The following PTPN2 variants were observed in gnomAD, a reference collection of about 807,000 sequenced individuals.
PTPN2 encodes the protein tyrosine-protein phosphatase non-receptor type 2.
Under a neutral mutation model 57.3 loss-of-function variants are expected in PTPN2, and 19 were observed. That is an observed-to-expected ratio of 0.33 (90% CI 0.23 to 0.49). The LOEUF is 0.49. Among genes scored for constraint, PTPN2 ranks in the 20% least tolerant of loss-of-function variants. The pLI, the probability that PTPN2 is intolerant of heterozygous loss-of-function variation, is 0.99. For synonymous variants in PTPN2, 153 were observed against 164.9 expected (o/e 0.93, Z 0.55); for missense variants, 358 against 501.1 (o/e 0.71, Z 2.73).
At position 12,794,217 on chromosome 18, in the gene PTPN2, C is replaced by T. The variant is rs2041077347; in HGVS notation, c.*61G>A. On this transcript the variant is annotated 3_prime_UTR_variant, in exon 9 of 9. Coordinates refer to ENST00000309660, the MANE Select transcript of PTPN2 (RefSeq NM_002828.4). ...TGAGGCGTTTGCTGCAGACAAACCC[C>T]TATGATTAATGTAGCACTGTCAGTT... 1.1e-5 allele frequency: 17 copies of T among 1,603,848 alleles called. No individual in the cohort carries two copies. Among genetic ancestry groups the T allele is most frequent in the Middle Eastern group, 3.4e-4 (2 of 5,898 alleles).
Position 12,871,274 on chromosome 18 carries a change from A to G in PTPN2, c.70-12020T>C, listed in dbSNP as rs539863074. On this transcript the variant is annotated intron_variant, in intron 1 of 8. Coordinates refer to ENST00000309660, the MANE Select transcript of PTPN2 (RefSeq NM_002828.4). ...GCTGCTATGAATAACCTTTCAAAGA[A>G]GCTATATCAATGTATACTGTCACCA... Among the ~76,000 whole-genome samples the G allele has an allele frequency of 5.1e-4, 77 of 152,350 alleles. 1 individual carries two copies. Among genetic ancestry groups the G allele is most frequent in the African/African-American group, 1.8e-3 (76 of 41,582 alleles).
intron 5 of PTPN2, among the ~76,000 whole-genome samples, chr18:12,823,274 C>A (rs1404323119): frequency 1.3e-5 from 2 of 152,180 alleles, no homozygotes; most frequent in African/African-American, 4.8e-5. Context: ...AACAGAGTGG[C>A]TGGCCAACTC....
Position 12,785,601 on chromosome 18 carries a change from A to G in PTPN2, c.*222T>C, listed in dbSNP as rs538910615. On this transcript the variant is annotated 3_prime_UTR_variant, in exon 10 of 10. Coordinates refer to the PTPN2 transcript ENST00000327283. ...ACATCTTTCTACATTTCATACACTC[A>G]TTAAAAACACTTAACACATCCAATT... 1.3e-4 allele frequency: 77 copies of G among 596,686 alleles called. No individual in the cohort carries two copies. The South Asian group carries it at 1.5e-3, about 12-fold the overall frequency. 37.0% of individuals were successfully genotyped at this position (596,686 alleles called of 1,614,324 possible). A position where few individuals can be genotyped will look rare whatever the true frequency, so the allele number is the denominator to read the frequency against.
rs2044213817 is a variant in PTPN2 at position 12,870,452 on chromosome 18, TATATATATATAGAGAG to T, written c.70-11214_70-11199del. On this transcript the variant is annotated intron_variant, in intron 1 of 8. Coordinates refer to ENST00000309660, the MANE Select transcript of PTPN2 (RefSeq NM_002828.4). ...GTATATATATATGTGTATATATATA[TATATATATATAGAGAG>T]AGAGAGAGAGAGAGAGAGAGAGAGA... Among the ~76,000 whole-genome samples the T allele has an allele frequency of 9.7e-5, 4 of 41,212 alleles. No individual in the cohort carries two copies. The Admixed American group carries it at 1.2e-3, about 13-fold the overall frequency. The allele number at this position is 41,212 out of a possible 152,430, so 27.0% of individuals were successfully genotyped here.
At chr18:12,807,556 A>G (rs1178782582) in intron 7 of PTPN2, among the ~76,000 whole-genome samples, 42 of 116,378 alleles carry the variant, frequency 3.6e-4, no homozygotes, top group Non-Finnish European at 7.3e-4. Flanking sequence ...ATGGAGGGAG[A>G]AAGAAAATGT....
chr18:12,880,062 AAAG>A (rs2044617365), intron 1 of PTPN2, among the ~76,000 whole-genome samples: 2 of 152,202 alleles, frequency 1.3e-5, no homozygotes. Flanking sequence ...TTGGGATGCT[AAAG>A]AAGTACGCAA....
chr18:12,845,139 T>TC (rs1387304506), intron 2 of PTPN2, among the ~76,000 whole-genome samples: 2 of 152,198 alleles, frequency 1.3e-5, no homozygotes, highest in African/African-American at 4.8e-5. Context: ...TTATTTTAGT[T>TC]CCTTTGCCTT....
chr18:12,818,379 A>G (rs528635705), intron 5 of PTPN2, among the ~76,000 whole-genome samples: 2 of 152,342 alleles, frequency 1.3e-5, no homozygotes, highest in Non-Finnish European at 2.9e-5. Flanking sequence ...ATAATTTCCA[A>G]TCCTAAAGCT....
chr18:12,821,437 CAA>C (rs2042265583), intron 5 of PTPN2: 1 of 152,166 alleles, frequency 6.6e-6, no homozygotes, highest in African/African-American at 2.4e-5. Flanking sequence ...TAAAGAGTGA[CAA>C]AGTTTGTCAA....
Position 12,839,470 on chromosome 18 carries a change from A to G in PTPN2, c.161-2579T>C, listed in dbSNP as rs575793481. ...CAGCATCCCATAACCTTTGGGCTGT[A>G]TAAGTAAGCCCCAAAGCCCACTATA... On this transcript the variant is annotated intron_variant, in intron 2 of 8. Transcript: ENST00000309660. 2.6e-5 allele frequency: 4 copies of G among 152,326 alleles called. No individual in the cohort carries two copies. The South Asian group carries it at 8.3e-4, about 32-fold the overall frequency. The allele number at this position is 152,326 out of a possible 1,614,324, so 9.4% of individuals were successfully genotyped here. A position where few individuals can be genotyped will look rare whatever the true frequency, so the allele number is the denominator to read the frequency against.
In PTPN2 at chr18:12,794,075, C is replaced by T; in HGVS notation, c.*203G>A. 3.5e-6 allele frequency: 5 copies of T among 1,423,526 alleles called. No homozygotes were observed. The highest frequency in any genetic ancestry group is 4.6e-6 in the Non-Finnish European group (5 of 1,095,416). The allele number at this position is 1,423,526 out of a possible 1,614,324, so 88.2% of individuals were successfully genotyped here. On this transcript the variant is annotated 3_prime_UTR_variant, in exon 9 of 9. Coordinates refer to ENST00000309660, the MANE Select transcript of PTPN2 (RefSeq NM_002828.4). ...CATGAATGTCTTTATTTTAGACAGCCATTTACAGTTTGGGGTTCAGAGGAA... is the reference window on the plus strand; with the variant it reads ...CATGAATGTCTTTATTTTAGACAGCTATTTACAGTTTGGGGTTCAGAGGAA...
intron 2 of PTPN2, among the ~76,000 whole-genome samples, chr18:12,848,892 G>A (rs2043300372): frequency 6.6e-6 from 1 of 152,138 alleles, no homozygotes; most frequent in East Asian, 1.9e-4. Flanking sequence ...GTTCTATAGT[G>A]GCCTCATAAA....
At chr18:12,827,440 A>C (rs1448804885) in intron 4 of PTPN2, among the ~76,000 whole-genome samples, 1 of 151,062 alleles carries the variant, frequency 6.6e-6, no homozygotes, top group Non-Finnish European at 1.5e-5. Context: ...GTAGTAGCCC[A>C]GGCTGGAGTG....
intron 1 of PTPN2, among the ~76,000 whole-genome samples, chr18:12,865,677 G>GTGAGCTGGGCGTCATGGCA (rs2043967319): frequency 1.3e-5 from 2 of 151,800 alleles, no homozygotes; most frequent in Admixed American, 6.6e-5. Context: ...GGCAAAAAGA[G>GTGAGCTGGGCGTCATGGCA]TGAGCTGGGC....
At chr18:12,852,112 A>G (rs770697715) in intron 2 of PTPN2, among the ~76,000 whole-genome samples, 2 of 151,938 alleles carry the variant, frequency 1.3e-5, no homozygotes, top group African/African-American at 4.8e-5. Flanking sequence ...AAGTTCCAGA[A>G]ATCTATTGTA....
At chr18:12,788,125 TTTGA>T (rs1818699940), downstream of PTPN2, 2 of 154,926 alleles carry the variant, frequency 1.3e-5, no homozygotes, top group Middle Eastern at 5.2e-4. Flanking sequence ...ACAGCAGAAA[TTTGA>T]TGTATCAAGA....
At chr18:12,859,475 A>C (rs974249784) in intron 1 of PTPN2, among the ~76,000 whole-genome samples, 3 of 152,204 alleles carry the variant, frequency 2.0e-5, no homozygotes, top group African/African-American at 7.2e-5. Flanking sequence ...CAAAGGTTAA[A>C]AATCCACCAA....
Position 12,792,859 on chromosome 18 carries a change from G to C in PTPN2, c.*1419C>G. Reference sequence around the variant, plus strand: ...GCCCACTTCAGCCTCCCAAAGTGCTGGGATTACAGGCATGAGCCACCGCGC... The same window carrying C: ...GCCCACTTCAGCCTCCCAAAGTGCTCGGATTACAGGCATGAGCCACCGCGC... On this transcript the variant is annotated 3_prime_UTR_variant, in exon 9 of 9. Coordinates refer to ENST00000309660, the MANE Select transcript of PTPN2 (RefSeq NM_002828.4). The C allele has an allele frequency of 5.4e-6, 5 of 924,248 alleles. No homozygotes were observed. Among genetic ancestry groups the C allele is most frequent in the Non-Finnish European group, 6.5e-6 (5 of 774,342 alleles). The allele number at this position is 924,248 out of a possible 1,614,324, so 57.3% of individuals were successfully genotyped here.
chr18:12,792,361 C>A lies in PTPN2; in HGVS notation c.*1917G>T. 1 of 416,832 alleles carries A rather than the reference C, an allele frequency of 2.4e-6. No homozygotes were observed. Among genetic ancestry groups the A allele is most frequent in the Non-Finnish European group, 3.2e-6 (1 of 312,286 alleles). The allele number at this position is 416,832 out of a possible 1,614,324, so 25.8% of individuals were successfully genotyped here. On this transcript the variant is annotated 3_prime_UTR_variant, in exon 9 of 9. Transcript: ENST00000309660. The stretch of plus-strand genomic sequence containing the variant: ...GCAGTGGTGCAATCTCGGCTCACTG[C>A]AACCTCTGCCTCCCGGGTTCAAGTG...
Sources: allele counts gnomAD v4.1 joint callset (sites outside exome capture counted in the v4.1 genomes callset), GRCh38; gene constraint gnomAD v4.1.1; transcripts MANE v1.5; gene names NCBI Gene and HGNC (gene_info 2026-07-23, HGNC 2026-07-21).